EYA2: variants seen among roughly 807,000 people sequenced by gnomAD.
EYA2 encodes EYA transcriptional coactivator and phosphatase 2, also known as protein phosphatase EYA2.
EYA2 carries 31 observed loss-of-function variants against 69.2 expected under a neutral mutation model. That is an observed-to-expected ratio of 0.45 (90% CI 0.34 to 0.60). The LOEUF (loss-of-function observed/expected upper bound fraction) is 0.60, where lower values mean the gene tolerates loss of function less well. EYA2 is among the 20% of genes least tolerant of loss of function. The pLI is 0.02. For synonymous variants in EYA2, 257 were observed against 279.4 expected (o/e 0.92, Z 0.80); for missense variants, 622 against 701.2 (o/e 0.89, Z 1.28).
At chr20:47,158,861 ATAAAT>A (rs2034009034) in intron 10 of EYA2, among the ~76,000 whole-genome samples, 1 of 152,034 alleles carries the variant, frequency 6.6e-6, no homozygotes, top group Non-Finnish European at 1.5e-5. Flanking sequence ...GAGTAATAAA[ATAAAT>A]AATATAATAT....
At chr20:47,180,251 G>A (rs930024282) in intron 13 of EYA2, among the ~76,000 whole-genome samples, 3 of 152,084 alleles carry the variant, frequency 2.0e-5, no homozygotes, top group South Asian at 4.2e-4. Flanking sequence ...GGCTTGTCTC[G>A]AACTCCTGAC....
chr20:47,023,392 T>G (rs575227484), intron 5 of EYA2, among the ~76,000 whole-genome samples: 10 of 152,218 alleles, frequency 6.6e-5, no homozygotes, highest in Non-Finnish European at 1.3e-4. Flanking sequence ...GTAGTTTTCT[T>G]TATGATTCTC....
At position 47,016,209 on chromosome 20, in the gene EYA2, T is replaced by C. The variant is rs1983400915; in HGVS notation, c.327T>C (p.His109=). 27 of 1,614,180 alleles carry C rather than the reference T, an allele frequency of 1.7e-5. No homozygotes were observed. In the East Asian group the frequency reaches 5.8e-4, roughly 35 times the overall value. ...TCAAGACAGAAGACAGCTTGAACCA[T>C]TCCCCTGGCCAGAGTGGATTCCTCA... ...YSIKTEDSLN[H]SPGQSGFLSY... The change falls in exon 5 of 16, where the codon CAT becomes CAC. Residue 109 remains histidine (H), a synonymous_variant. Transcript: ENST00000327619.
chr20:46,976,171 G>A (rs1366610812), intron 1 of EYA2, among the ~76,000 whole-genome samples: 1 of 152,120 alleles, frequency 6.6e-6, no homozygotes, highest in Non-Finnish European at 1.5e-5. Flanking sequence ...GACCAGCCTG[G>A]GCAACAAAGT....
intron 5 of EYA2, among the ~76,000 whole-genome samples, chr20:47,037,062 G>A (rs893726296): frequency 6.6e-6 from 1 of 152,196 alleles, no homozygotes; most frequent in African/African-American, 2.4e-5. Flanking sequence ...AGGTAAAGGG[G>A]AAGCAAAGCA....
intron 7 of EYA2, among the ~76,000 whole-genome samples, chr20:47,085,076 A>G (rs192181181): frequency 1.9e-4 from 29 of 151,818 alleles, no homozygotes; most frequent in East Asian, 1.8e-3. Context: ...GGGTCAAGCA[A>G]TTCTCTCACC....
chr20:47,178,180 T>C (rs1051341557), intron 12 of EYA2, among the ~76,000 whole-genome samples: 5 of 151,954 alleles, frequency 3.3e-5, no homozygotes, highest in Non-Finnish European at 5.9e-5. Flanking sequence ...ATACAAAATT[T>C]AGCCGGACAT....
intron 5 of EYA2, among the ~76,000 whole-genome samples, chr20:47,021,280 G>T (rs1231083215): frequency 6.6e-6 from 1 of 152,126 alleles, no homozygotes; most frequent in African/African-American, 2.4e-5. Flanking sequence ...GAGACTGTGG[G>T]ACTGTCTGCA....
At chr20:47,074,939 C>T (rs1414870545) in intron 7 of EYA2, among the ~76,000 whole-genome samples, 1 of 152,184 alleles carries the variant, frequency 6.6e-6, no homozygotes, top group Non-Finnish European at 1.5e-5. Flanking sequence ...TGATGAAACC[C>T]CATCTCTACT....
intron 7 of EYA2, among the ~76,000 whole-genome samples, chr20:47,084,254 A>G (rs1454797712): frequency 6.7e-6 from 1 of 149,824 alleles, no homozygotes; most frequent in East Asian, 2.0e-4. Context: ...TCAAAAAAAA[A>G]GGCTGGCTCT....
intron 1 of EYA2, among the ~76,000 whole-genome samples, chr20:46,932,412 T>C (rs940264825): frequency 1.3e-5 from 2 of 152,164 alleles, no homozygotes; most frequent in Non-Finnish European, 2.9e-5. Context: ...CTCTGTTAGA[T>C]GTAGGTGAGG....
At position 47,125,076 on chromosome 20, in the gene EYA2, C is replaced by T. The variant is rs561633132; in HGVS notation, c.889-17983C>T. On this transcript the variant is annotated intron_variant, in intron 9 of 15. Transcript: ENST00000327619. ...TTTTTTTTTTTTTTTTTTTTTGAGACAGAGTCTTGCTCTGTTGCCCAGGCT... is the reference window on the plus strand; with the variant it reads ...TTTTTTTTTTTTTTTTTTTTTGAGATAGAGTCTTGCTCTGTTGCCCAGGCT... Among the ~76,000 whole-genome samples the T allele has an allele frequency of 6.4e-4, 73 of 113,382 alleles. No individual in the cohort carries two copies. In the South Asian group the frequency reaches 0.016, roughly 24 times the overall value. 74.4% of individuals were successfully genotyped at this position (113,382 alleles called of 152,430 possible). A position where few individuals can be genotyped will look rare whatever the true frequency, so the allele number is the denominator to read the frequency against.
intron 1 of EYA2, among the ~76,000 whole-genome samples, chr20:46,964,765 G>A (rs533954260): frequency 5.3e-5 from 8 of 152,324 alleles, no homozygotes; most frequent in African/African-American, 1.9e-4. Flanking sequence ...CAAGGTCACA[G>A]CGATCATCAA....
intron 9 of EYA2, among the ~76,000 whole-genome samples, chr20:47,114,193 T>TGA (rs150534912): frequency 0.014 from 2,073 of 152,342 alleles, 43 homozygotes; most frequent in African/African-American, 0.047. Flanking sequence ...ATGTCACAGA[T>TGA]GAGAACCCTG....
Position 47,174,091 on chromosome 20 carries a change from T to A in EYA2, c.1198+1224T>A, listed in dbSNP as rs368831184. ...GGTACTGCGCCCTCCTCAGGAGACA[T>A]CTGGGAGTCTTCCTGGTTGCCACAG... On this transcript the variant is annotated intron_variant, in intron 12 of 15. Transcript: ENST00000327619. 3.3e-5 allele frequency among the ~76,000 whole-genome samples: 5 copies of A among 152,164 alleles called. No individual in the cohort carries two copies. The East Asian group carries it at 5.8e-4, about 18-fold the overall frequency.
intron 9 of EYA2, among the ~76,000 whole-genome samples, chr20:47,114,674 A>G (rs939401333): frequency 2.6e-5 from 4 of 152,212 alleles, no homozygotes; most frequent in Non-Finnish European, 5.9e-5. Context: ...GAGTTTGGAT[A>G]TTTGATCCCT....
At chr20:47,026,943 C>A (rs191562175) in intron 5 of EYA2, among the ~76,000 whole-genome samples, 52 of 152,370 alleles carry the variant, frequency 3.4e-4, no homozygotes, top group African/African-American at 1.1e-3. Flanking sequence ...CTTTGAAACA[C>A]CTTGTGAAGC....
At chr20:46,997,105 C>A (rs188270657) in intron 2 of EYA2, among the ~76,000 whole-genome samples, 1 of 152,008 alleles carries the variant, frequency 6.6e-6, no homozygotes, top group African/African-American at 2.4e-5. Context: ...TGGGTGTGAA[C>A]GGCTACAAAA....
intron 1 of EYA2, among the ~76,000 whole-genome samples, chr20:46,895,618 C>T (rs1315627837): frequency 6.6e-6 from 1 of 152,164 alleles, no homozygotes; most frequent in Non-Finnish European, 1.5e-5. Flanking sequence ...AAGTTTACAT[C>T]CGAAGGGTGT....
Sources: gnomAD v4.1 joint callset for allele counts (sites outside exome capture counted in the v4.1 genomes callset) on GRCh38, gnomAD v4.1.1 for gene constraint, MANE v1.5 for transcripts, NCBI Gene and HGNC (gene_info 2026-07-23, HGNC 2026-07-21) for gene names.